Variants in PDLIM3 observed in about 807,000 individuals in gnomAD.
PDLIM3 encodes PDZ and LIM domain 3.
A neutral mutation model predicts 37.3 loss-of-function variants in PDLIM3; 36 were observed. The ratio of observed to expected loss-of-function variants is 0.97; its 90% confidence interval spans 0.74 to 1.28. PDLIM3 has a LOEUF of 1.28. Ranked by LOEUF, PDLIM3 falls within the 50% of genes most tolerant of loss-of-function variation. PDLIM3 has a pLI of 0.00. For synonymous variants in PDLIM3, 174 were observed against 182.4 expected (o/e 0.95, Z 0.37); for missense variants, 454 against 485.0 (o/e 0.94, Z 0.60).
intron 4 of PDLIM3, among the ~76,000 whole-genome samples, chr4:185,509,347 T>G (rs10024751): frequency 1.3e-5 from 2 of 152,118 alleles, no homozygotes; most frequent in East Asian, 1.9e-4. Context: ...ACTCTTTCGA[T>G]GCTTATATTT....
At chr4:185,524,145 A>C (rs545277325) in intron 2 of PDLIM3, among the ~76,000 whole-genome samples, 11 of 152,236 alleles carry the variant, frequency 7.2e-5, no homozygotes, top group African/African-American at 2.6e-4. Context: ...GTGATCTGCC[A>C]GGTGGATGTG....
At chr4:185,506,968 A>G (rs2095698650) in intron 5 of PDLIM3, 1 of 299,360 alleles carries the variant, frequency 3.3e-6, no homozygotes, top group African/African-American at 2.1e-5. Flanking sequence ...TCTGATGGAT[A>G]CATAATGATA....
chr4:185,505,493 T>C (rs2153331881), intron 6 of PDLIM3, among the ~76,000 whole-genome samples: 1 of 152,128 alleles, frequency 6.6e-6, no homozygotes, highest in African/African-American at 2.4e-5. Flanking sequence ...CGGTGGTGGG[T>C]GCCTGTAATC....
rs538661265 is a variant in PDLIM3, at chr4:185,504,345, C to A, written c.905+130G>T. On this transcript the variant is annotated intron_variant, in intron 7 of 7. Coordinates refer to ENST00000284767, the MANE Select transcript of PDLIM3 (RefSeq NM_014476.6). This position sits in a 1 kb window ranked among gnomAD's most constrained non-coding sequence, Gnocchi z 4.7. Reference sequence around the variant, plus strand: ...GTCACAATGTGCTAAATGTTGGGGACCTTACGTTTCAAGTTGATGAATAGA... The same window carrying A: ...GTCACAATGTGCTAAATGTTGGGGAACTTACGTTTCAAGTTGATGAATAGA... The A allele has an allele frequency of 6.3e-4, 460 of 732,724 alleles. 3 individuals are homozygous for A. Among genetic ancestry groups the A allele is most frequent in the South Asian group, 4.9e-3 (326 of 66,998 alleles). 45.4% of individuals were successfully genotyped at this position (732,724 alleles called of 1,614,324 possible).
Position 185,535,481 on chromosome 4 carries a change from C to T in PDLIM3, c.-47G>A, listed in dbSNP as rs759785542. On this transcript the variant is annotated 5_prime_UTR_variant, in exon 1 of 8. Transcript: ENST00000284767. ...GGGCTCTAAGTGTCCCCGCGCAGGG[C>T]AGCCACTCCGCGCCGGGCGGCGTCC... 3 of 1,491,248 alleles carry T rather than the reference C, an allele frequency of 2.0e-6. No homozygotes were observed. The highest frequency in any genetic ancestry group is 2.0e-4 in the Middle Eastern group (1 of 5,006). The allele number at this position is 1,491,248 out of a possible 1,614,324, so 92.4% of individuals were successfully genotyped here.
intron 1 of PDLIM3, among the ~76,000 whole-genome samples, chr4:185,531,841 C>A (rs2095744900): frequency 6.7e-6 from 1 of 149,808 alleles, no homozygotes; most frequent in South Asian, 2.1e-4. Flanking sequence ...CGACTGTAAT[C>A]ACTTTGGGAA....
At chr4:185,530,142 A>G (rs1270134999) in intron 1 of PDLIM3, among the ~76,000 whole-genome samples, 1 of 152,230 alleles carries the variant, frequency 6.6e-6, no homozygotes, top group Non-Finnish European at 1.5e-5. Context: ...TGTGGGATGT[A>G]TGAGTTACAC....
rs1254946691 is a variant in PDLIM3 at position 185,506,552 on chromosome 4, C to G, written c.763G>C (p.Val255Leu). Residue 255 changes from valine to leucine, a missense_variant, in exon 6 of 8, where the codon GTG (valine) becomes CTG (leucine). Val to Leu is a conservative substitution (Grantham distance 32, BLOSUM62 1). Transcript: ENST00000284767. ...TQPRQSGSFR[V>L]LQGMVDDGSD... ...CCATCGTCCACCATTCCCTGGAGCACTCTGAAGGAGCCCGACTGGCGAGGC... is the reference window on the plus strand; with the variant it reads ...CCATCGTCCACCATTCCCTGGAGCAGTCTGAAGGAGCCCGACTGGCGAGGC... The G allele has an allele frequency of 3.1e-6, 5 of 1,613,644 alleles. No homozygotes were observed. Among genetic ancestry groups the G allele is most frequent in the Middle Eastern group, 1.6e-4 (1 of 6,084 alleles).
intron 3 of PDLIM3, among the ~76,000 whole-genome samples, chr4:185,519,072 A>G (rs954300606): frequency 3.9e-5 from 6 of 152,226 alleles, no homozygotes; most frequent in Non-Finnish European, 7.3e-5. Flanking sequence ...ACTCTTAGTC[A>G]AGAGCAACAC....
At chr4:185,530,170 C>T (rs1408287565) in intron 1 of PDLIM3, among the ~76,000 whole-genome samples, 1 of 152,316 alleles carries the variant, frequency 6.6e-6, no homozygotes, top group South Asian at 2.1e-4. Context: ...AGTACTTCCA[C>T]GTAGACACGG....
intron 3 of PDLIM3, chr4:185,515,506 T>C (rs2095713631): frequency 6.6e-6 from 1 of 152,258 alleles, no homozygotes; most frequent in African/African-American, 2.4e-5. Context: ...AGACTCTTTT[T>C]ATGAAAGCGG....
At position 185,514,067 on chromosome 4, in the gene PDLIM3, C is replaced by G; in HGVS notation, c.398+203G>C. The G allele has an allele frequency of 6.8e-7, 1 of 1,465,494 alleles. No homozygotes were observed. The highest frequency in any genetic ancestry group is 9.0e-7 in the Non-Finnish European group (1 of 1,112,776). 90.8% of individuals were successfully genotyped at this position (1,465,494 alleles called of 1,614,324 possible). A position where few individuals can be genotyped will look rare whatever the true frequency, so the allele number is the denominator to read the frequency against. On this transcript the variant is annotated intron_variant, in intron 4 of 7. Transcript: ENST00000284767. This position sits in a 1 kb window ranked among gnomAD's most constrained non-coding sequence, Gnocchi z 4.0. ...ATTGCATACAATTTCACAGCTCTGT[C>G]ATCTTGTCAATATTTACTCTTGGAA...
chr4:185,518,180 T>A (rs2095717697), intron 3 of PDLIM3, among the ~76,000 whole-genome samples: 1 of 152,080 alleles, frequency 6.6e-6, no homozygotes, highest in African/African-American at 2.4e-5. Context: ...GGAACAACAT[T>A]TTGAATTAAT....
chr4:185,533,237 C>G (rs1014994928), intron 1 of PDLIM3, among the ~76,000 whole-genome samples: 6 of 152,128 alleles, frequency 3.9e-5, no homozygotes, highest in African/African-American at 1.2e-4. Context: ...CACTGCCTTT[C>G]AAAATGGTGT....
Position 185,517,993 on chromosome 4 carries a change from A to C in PDLIM3, c.331-3656T>G, listed in dbSNP as rs151183307. Reference sequence around the variant, plus strand: ...ATTTTTCCTGGAAAAATCACAAGTAACTGAAAATGCCAGTTAAAAAAGTGT... The same window carrying C: ...ATTTTTCCTGGAAAAATCACAAGTACCTGAAAATGCCAGTTAAAAAAGTGT... On this transcript the variant is annotated intron_variant, in intron 3 of 7. Coordinates refer to ENST00000284767, the MANE Select transcript of PDLIM3 (RefSeq NM_014476.6). 3.9e-3 allele frequency among the ~76,000 whole-genome samples: 589 copies of C among 152,320 alleles called. 5 individuals carry two copies. Among genetic ancestry groups the C allele is most frequent in the Middle Eastern group, 0.014 (4 of 294 alleles).
chr4:185,521,682 C>A lies in PDLIM3; in HGVS notation c.330+1680G>T, dbSNP rs1448222699. On this transcript the variant is annotated intron_variant, in intron 3 of 7. Coordinates refer to ENST00000284767, the MANE Select transcript of PDLIM3 (RefSeq NM_014476.6). ...AAAGGATTATAGGTGTGAGTCAATG[C>A]GCCTGGCCCCACTCAACTTTCAAGA... Among the ~76,000 whole-genome samples, 3 of 66,096 alleles carry A rather than the reference C, an allele frequency of 4.5e-5. 1 individual carries two copies. Among genetic ancestry groups the A allele is most frequent in the African/African-American group, 8.3e-5 (3 of 36,356 alleles). The allele number at this position is 66,096 out of a possible 152,430, so 43.4% of individuals were successfully genotyped here.
In PDLIM3 at chr4:185,508,506, G is replaced by T. The variant is rs1350389003; in HGVS notation, c.455C>A (p.Ser152Tyr). The T allele has an allele frequency of 3.1e-6, 5 of 1,614,172 alleles. No individual in the cohort carries two copies. The highest frequency in any genetic ancestry group is 4.2e-6 in the Non-Finnish European group (5 of 1,180,012). ...GCAAATGGTACTAACAGTACTGACA[G>T]AAGAAGGGGTGCTGCGTCCACTGCC... is the stretch of plus-strand genomic sequence containing the variant. ...DCGSGRSTPS[S>Y]VSTVSTICPG... is the part of the protein sequence containing the mutation. The change falls in exon 5 of 8, where the codon TCT (serine) becomes TAT (tyrosine). Residue 152 changes from serine to tyrosine, a missense_variant. Physicochemically the swap from Ser to Tyr is moderately radical, Grantham distance 144. Transcript: ENST00000284767.
At chr4:185,525,300 T>C in intron 1 of PDLIM3, 129 bp from the exon 2 acceptor site, 2 of 897,318 alleles carry the variant, frequency 2.2e-6, no homozygotes, top group Non-Finnish European at 3.5e-6. Flanking sequence ...TAAATCTAAC[T>C]AAAGATAACT....
Position 185,535,362 on chromosome 4 carries a change from G to A in PDLIM3, c.73C>T (p.Gln25Ter), listed in dbSNP as rs781486882. 6.2e-7 allele frequency: 1 copy of A among 1,608,866 alleles called. No homozygotes were observed. The highest frequency in any genetic ancestry group is 8.5e-7 in the Non-Finnish European group (1 of 1,177,800). Residue 25 changes from glutamine to a stop codon, truncating the protein, a stop_gained, in exon 1 of 8, where the codon CAG becomes TAG. Coordinates refer to ENST00000284767, the MANE Select transcript of PDLIM3 (RefSeq NM_014476.6). LOFTEE classifies it high-confidence loss of function. ...FRLSGGIDFN[Q>*]PLVITRITPG... Reference sequence around the variant, plus strand: ...CCTACCCTGGTGATGACCAAAGGCTGGTTGAAGTCTATGCCCCCTGAGAGC... The same window carrying A: ...CCTACCCTGGTGATGACCAAAGGCTAGTTGAAGTCTATGCCCCCTGAGAGC...
Sources: gnomAD v4.1 joint callset for allele counts (sites outside exome capture counted in the v4.1 genomes callset) on GRCh38, gnomAD v4.1.1 for gene constraint, Gnocchi (gnomAD v3.1) non-coding constraint, MANE v1.5 for transcripts, NCBI Gene and HGNC (gene_info 2026-07-23, HGNC 2026-07-21) for gene names.